Variants in DNAH6 observed in about 807,000 individuals in gnomAD.
DNAH6 encodes the protein dynein axonemal heavy chain 6.
DNAH6 carries 340 observed loss-of-function variants against 491.4 expected under a neutral mutation model. That is an observed-to-expected ratio of 0.69 (90% CI 0.63 to 0.76). DNAH6 has a LOEUF of 0.76. Ranked by LOEUF, DNAH6 falls within the 30% of genes least tolerant of loss-of-function variation. The probability of loss-of-function intolerance (pLI) is 0.00; values close to 1 mark genes in which losing one functional copy is unlikely to be tolerated. For missense variants in DNAH6, 4,443 were observed against 4,972.2 expected (o/e 0.89, Z 3.20); for synonymous variants, 1,603 against 1,686.1 (o/e 0.95, Z 1.21).
intron 69 of DNAH6, 101 bp from the exon 70 acceptor site, chr2:84,797,436 T>C: frequency 9.0e-7 from 1 of 1,116,296 alleles, no homozygotes; most frequent in Non-Finnish European, 1.2e-6. Flanking sequence ...ATGAGCCAGC[T>C]GATTGCAGCC....
chr2:84,734,703 T>C (rs1273166663), intron 62 of DNAH6, among the ~76,000 whole-genome samples: 1 of 152,206 alleles, frequency 6.6e-6, no homozygotes, highest in Non-Finnish European at 1.5e-5. Context: ...CTAAGACAGC[T>C]ATATTAAGGT....
chr2:84,593,057 T>C (rs765209985), intron 16 of DNAH6, among the ~76,000 whole-genome samples: 14 of 152,174 alleles, frequency 9.2e-5, no homozygotes, highest in Admixed American at 1.3e-4. Context: ...ACTTTACACT[T>C]AAAAATTTAT....
intron 37 of DNAH6, among the ~76,000 whole-genome samples, chr2:84,659,846 A>G (rs1442043122): frequency 2.0e-5 from 3 of 152,096 alleles, no homozygotes; most frequent in African/African-American, 4.8e-5. Flanking sequence ...TCCAAGCTCA[A>G]TATTGCACAC....
chr2:84,535,486 G>A (rs1210031023), intron 4 of DNAH6, among the ~76,000 whole-genome samples: 1 of 151,642 alleles, frequency 6.6e-6, no homozygotes, highest in Admixed American at 6.6e-5. Context: ...CCCAGAAAAG[G>A]GTTTGAGCTT....
In DNAH6 at chr2:84,548,333, A is replaced by G. The variant is rs1678994948; in HGVS notation, c.1232A>G (p.His411Arg). The change falls in exon 8 of 77, where the codon CAT becomes CGT. Residue 411 changes from histidine (H) to arginine (R), a missense_variant. Physicochemically the swap from His to Arg is conservative, Grantham distance 29 (BLOSUM62 0). Transcript: ENST00000389394. Reference protein sequence around the residue: ...QSSGSFINTPHELPTYGDSEK... With the variant: ...QSSGSFINTPRELPTYGDSEK... ...AGTGGAAGTTTCATTAATACACCAC[A>G]TGAGTTGCCCACTTATGGAGACTCT... 2 of 1,613,824 alleles carry G rather than the reference A, an allele frequency of 1.2e-6. No homozygotes were observed. The highest frequency in any genetic ancestry group is 1.3e-5 in the African/African-American group (1 of 74,934).
chr2:84,582,431 G>A (rs1308356496), intron 14 of DNAH6, among the ~76,000 whole-genome samples: 1 of 152,016 alleles, frequency 6.6e-6, no homozygotes, highest in Non-Finnish European at 1.5e-5. Context: ...CTCTCGGGAG[G>A]GGCTCAGCAA....
intron 63 of DNAH6, among the ~76,000 whole-genome samples, chr2:84,752,357 T>TC (rs1673547837): frequency 6.6e-6 from 1 of 152,176 alleles, no homozygotes; most frequent in Admixed American, 6.5e-5. Flanking sequence ...GATCTCTATA[T>TC]CATACAGATT....
intron 41 of DNAH6, among the ~76,000 whole-genome samples, chr2:84,679,505 G>A (rs1693568533): frequency 6.6e-6 from 1 of 152,206 alleles, no homozygotes; most frequent in South Asian, 2.1e-4. Flanking sequence ...CTATAACGCA[G>A]TAACTGAAAA....
Position 84,681,460 on chromosome 2 carries a change from A to G in DNAH6, c.6848A>G (p.Asp2283Gly). 1 of 1,551,154 alleles carries G rather than the reference A, an allele frequency of 6.4e-7. No individual in the cohort carries two copies. The highest frequency in any genetic ancestry group is 8.7e-7 in the Non-Finnish European group (1 of 1,146,786). ...GAGATTTATAACAAAATGAGTGTTG[A>G]CCTCCTGCCAACACCCGCCAAGTCC... ...SVEIYNKMSV[D>G]LLPTPAKSHY... The change falls in exon 42 of 77, where the codon GAC becomes GGC. Residue 2283 changes from aspartate to glycine, a missense_variant. Coordinates refer to ENST00000389394, the MANE Select transcript of DNAH6 (RefSeq NM_001370.2).
At chr2:84,598,893 G>T (rs1410724778) in intron 18 of DNAH6, among the ~76,000 whole-genome samples, 1 of 152,078 alleles carries the variant, frequency 6.6e-6, no homozygotes, top group Non-Finnish European at 1.5e-5. Flanking sequence ...AGCTGGGCGT[G>T]GTGGCTTGTG....
chr2:84,524,523 A>G (rs537598875), intron 2 of DNAH6, among the ~76,000 whole-genome samples: 2 of 152,130 alleles, frequency 1.3e-5, no homozygotes, highest in East Asian at 1.9e-4. Context: ...TGGTTGCTTT[A>G]AAGTGTCACT....
chr2:84,735,284 T>C (rs915740239), intron 62 of DNAH6, among the ~76,000 whole-genome samples: 3 of 152,232 alleles, frequency 2.0e-5, no homozygotes, highest in African/African-American at 7.2e-5. Flanking sequence ...ACATTTTCTT[T>C]GTCCAGTTCA....
chr2:84,505,316 T>C, the DNAH6 span, among the ~76,000 whole-genome samples: 1 of 152,186 alleles, frequency 6.6e-6, no homozygotes, highest in African/African-American at 2.4e-5. Flanking sequence ...TACTTCTTCC[T>C]TTCCAACCTG....
At chr2:84,479,741 A>C in the DNAH6 span, among the ~76,000 whole-genome samples, 1 of 152,196 alleles carries the variant, frequency 6.6e-6, no homozygotes, top group African/African-American at 2.4e-5. Flanking sequence ...GAAAGAAGAG[A>C]GTTCTTGGGA....
intron 21 of DNAH6, among the ~76,000 whole-genome samples, chr2:84,610,740 G>T (rs1327606875): frequency 6.6e-6 from 1 of 152,186 alleles, no homozygotes; most frequent in African/African-American, 2.4e-5. Flanking sequence ...GATAACCTGT[G>T]CCAACTTTGT....
chr2:84,619,587 G>T (rs1477002405), intron 23 of DNAH6, 98 bp from the exon 24 acceptor site: 3 of 1,078,412 alleles, frequency 2.8e-6, no homozygotes, highest in Non-Finnish European at 2.7e-6. Context: ...GGAAATTGGT[G>T]GACAGGGAAG....
At chr2:84,791,660 TTA>T (rs1033692016) in intron 68 of DNAH6, among the ~76,000 whole-genome samples, 7 of 149,576 alleles carry the variant, frequency 4.7e-5, no homozygotes, top group African/African-American at 1.5e-4. Context: ...ATATATATAA[TTA>T]TATATATAAG....
chr2:84,735,331 C>T (rs530556986), intron 62 of DNAH6, among the ~76,000 whole-genome samples: 1 of 152,160 alleles, frequency 6.6e-6, no homozygotes, highest in Non-Finnish European at 1.5e-5. Context: ...CATGTATTTG[C>T]TGTTGTGAAT....
At chr2:84,733,378 G>T in intron 61 of DNAH6, 66 bp from the exon 62 acceptor site, 1 of 1,413,338 alleles carries the variant, frequency 7.1e-7, no homozygotes, top group South Asian at 1.3e-5. Context: ...TTTTCACTTG[G>T]ACAAAGTGAA....
Sources: allele counts gnomAD v4.1 joint callset (sites outside exome capture counted in the v4.1 genomes callset), GRCh38; gene constraint gnomAD v4.1.1; transcripts MANE v1.5; gene names NCBI Gene and HGNC (gene_info 2026-07-23, HGNC 2026-07-21).